The following ROBO2 variants were observed in gnomAD, a reference collection of about 807,000 sequenced individuals.
ROBO2 encodes roundabout homolog 2.
In ROBO2, 53 loss-of-function variants were observed where a neutral mutation model predicts 160.8. The observed-to-expected ratio is 0.33, with a 90% CI of 0.26 to 0.41. The LOEUF (loss-of-function observed/expected upper bound fraction) is 0.41. Ranked by LOEUF, ROBO2 falls within the 10% of genes least tolerant of loss-of-function variation. ROBO2 has a pLI of 1.00. For missense variants in ROBO2, 1,577 were observed against 1,722.4 expected, an observed-to-expected ratio of 0.92 and a Z score of 1.49; for synonymous variants, 664 against 611.7, an observed-to-expected ratio of 1.09 and a Z score of -1.26.
At chr3:76,068,887 A>T (rs1489097) in intron 2 of ROBO2, among the ~76,000 whole-genome samples, 1 of 151,940 alleles carries the variant, frequency 6.6e-6, no homozygotes, top group Non-Finnish European at 1.5e-5. Context: ...TCCTTAAAAC[A>T]TATTTGTCAC....
chr3:76,368,048 A>C (rs543678470), intron 2 of ROBO2, among the ~76,000 whole-genome samples: 1 of 151,956 alleles, frequency 6.6e-6, no homozygotes, highest in Non-Finnish European at 1.5e-5. Flanking sequence ...GTTTAAAATA[A>C]AATAGTCATA....
chr3:77,295,122 T>G (rs1213984900), intron 2 of ROBO2, among the ~76,000 whole-genome samples: 5 of 149,950 alleles, frequency 3.3e-5, no homozygotes, highest in African/African-American at 1.2e-4. Flanking sequence ...AAGCTGAGGC[T>G]AGGTCACCCC....
chr3:77,492,637 A>G (rs1302400822), intron 4 of ROBO2, among the ~76,000 whole-genome samples: 1 of 152,186 alleles, frequency 6.6e-6, no homozygotes, highest in East Asian at 1.9e-4. Flanking sequence ...GTTTGCAACA[A>G]TTAATAATGA....
chr3:77,519,391 T>A (rs2090357319), intron 5 of ROBO2, among the ~76,000 whole-genome samples: 1 of 151,346 alleles, frequency 6.6e-6, no homozygotes, highest in African/African-American at 2.4e-5. Context: ...GAGGTACATG[T>A]AAAGGTTTGT....
intron 2 of ROBO2, among the ~76,000 whole-genome samples, chr3:76,642,756 G>A (rs2090761156): frequency 6.6e-6 from 1 of 152,094 alleles, no homozygotes; most frequent in Admixed American, 6.5e-5. Context: ...AATGATATGT[G>A]ATACAAGAAA....
chr3:77,315,487 C>A (rs2063903419), intron 2 of ROBO2, among the ~76,000 whole-genome samples: 1 of 152,166 alleles, frequency 6.6e-6, no homozygotes, highest in Admixed American at 6.5e-5. Flanking sequence ...CTTTGAGACA[C>A]TTAATCAAAT....
chr3:76,454,797 T>C (rs75010895), intron 2 of ROBO2, among the ~76,000 whole-genome samples: 3,869 of 152,246 alleles, frequency 0.025, 138 homozygotes, highest in African/African-American at 0.079. Context: ...ATCCATAGAA[T>C]GTGTAAATAC....
chr3:76,478,040 ATTATAC>A (rs1183200737), intron 2 of ROBO2, among the ~76,000 whole-genome samples: 3 of 151,076 alleles, frequency 2.0e-5, no homozygotes, highest in Non-Finnish European at 4.4e-5. Flanking sequence ...TATTATTATT[ATTATAC>A]TTTAAGTTTT....
At chr3:77,401,584 A>G (rs1214034070) in intron 2 of ROBO2, among the ~76,000 whole-genome samples, 2 of 151,754 alleles carry the variant, frequency 1.3e-5, no homozygotes, top group African/African-American at 4.8e-5. Context: ...GGTGGCCTTT[A>G]GAAAGCATTG....
chr3:77,114,376 C>A (rs2073987942), intron 2 of ROBO2, among the ~76,000 whole-genome samples: 1 of 152,126 alleles, frequency 6.6e-6, no homozygotes, highest in Non-Finnish European at 1.5e-5. Context: ...TTTAAGCTAA[C>A]CTTTTCCCTA....
At chr3:77,408,096 C>CAA (rs200992126) in intron 2 of ROBO2, among the ~76,000 whole-genome samples, 2 of 134,190 alleles carry the variant, frequency 1.5e-5, no homozygotes, top group East Asian at 2.2e-4. Flanking sequence ...AGAACAAAAA[C>CAA]AAAAAAAAAA....
chr3:77,135,657 C>T lies in ROBO2; in HGVS notation c.388+37317C>T, dbSNP rs1181772385. On this transcript the variant is annotated intron_variant, in intron 2 of 25. Coordinates refer to ENST00000461745, the Ensembl canonical transcript of ROBO2. ...CTCCTGGAATCCGGCAATCTTCTTG[C>T]GTTGGCCTCTCAGAGTGCTGGGATT... Among the ~76,000 whole-genome samples, 6 of 151,976 alleles carry T rather than the reference C, an allele frequency of 3.9e-5. No homozygotes were observed. The East Asian group carries it at 1.2e-3, about 29-fold the overall frequency.
intron 2 of ROBO2, among the ~76,000 whole-genome samples, chr3:77,403,439 T>C (rs907871332): frequency 6.6e-6 from 1 of 152,172 alleles, no homozygotes; most frequent in Non-Finnish European, 1.5e-5. Context: ...TTAGAGTCCA[T>C]GTGTAAGTGA....
intron 2 of ROBO2, among the ~76,000 whole-genome samples, chr3:75,944,086 A>G (rs1948174000): frequency 6.6e-6 from 1 of 152,094 alleles, no homozygotes; most frequent in Non-Finnish European, 1.5e-5. Context: ...TTTTTCTAGG[A>G]CTTTCCTGCC....
intron 2 of ROBO2, among the ~76,000 whole-genome samples, chr3:77,333,213 A>G (rs1355608722): frequency 6.6e-6 from 1 of 152,196 alleles, no homozygotes; most frequent in African/African-American, 2.4e-5. Context: ...TTAACCATGA[A>G]GAGGTTATAG....
At chr3:77,375,188 G>A (rs1369840221) in intron 2 of ROBO2, among the ~76,000 whole-genome samples, 1 of 152,210 alleles carries the variant, frequency 6.6e-6, no homozygotes, top group African/African-American at 2.4e-5. Context: ...CCCCAGCCTG[G>A]GAAACAGAGC....
rs1292395377 is a variant in ROBO2, at chr3:76,053,251, C to T, written c.109+115649C>T. Among the ~76,000 whole-genome samples the T allele has an allele frequency of 2.0e-5, 3 of 151,986 alleles. No individual in the cohort carries two copies. In the East Asian group the frequency reaches 5.8e-4, roughly 29 times the overall value. Reference sequence around the variant, plus strand: ...AGTATCTGAGGGCCAAGTCTGTTGACTTAGTTCTTTAAATTTTACATCTAA... The same window carrying T: ...AGTATCTGAGGGCCAAGTCTGTTGATTTAGTTCTTTAAATTTTACATCTAA... On this transcript the variant is annotated intron_variant, in intron 2 of 26. Transcript: ENST00000487694.
At chr3:76,098,054 A>G (rs1354361647) in intron 2 of ROBO2, among the ~76,000 whole-genome samples, 1 of 152,090 alleles carries the variant, frequency 6.6e-6, no homozygotes, top group African/African-American at 2.4e-5. Flanking sequence ...GGGTCTTTTT[A>G]TATTTAAGAG....
chr3:76,331,184 A>G (rs977144386), intron 2 of ROBO2, among the ~76,000 whole-genome samples: 1 of 152,176 alleles, frequency 6.6e-6, no homozygotes, highest in Non-Finnish European at 1.5e-5. Context: ...CTAAGATTAA[A>G]GTTAGAATGT....
Sources: allele counts gnomAD v4.1 joint callset (sites outside exome capture counted in the v4.1 genomes callset), GRCh38; gene constraint gnomAD v4.1.1; transcripts MANE v1.5; gene names NCBI Gene and HGNC (gene_info 2026-07-23, HGNC 2026-07-21).